Variants in NPR2 observed in about 807,000 individuals in gnomAD.
NPR2 encodes the protein natriuretic peptide receptor 2.
In NPR2, 49 loss-of-function variants were observed where a neutral mutation model predicts 120.7. The observed-to-expected ratio is 0.41, with a 90% CI of 0.32 to 0.52. The LOEUF (loss-of-function observed/expected upper bound fraction) is 0.52. NPR2 is among the 20% of genes least tolerant of loss of function. The pLI, the probability that NPR2 is intolerant of heterozygous loss-of-function variation, is 0.36. For missense variants in NPR2, 931 were observed against 1,362.9 expected (o/e 0.68, Z 4.99); for synonymous variants, 484 against 519.8 (o/e 0.93, Z 0.94).
chr9:35,809,300 AT>A lies in NPR2; in HGVS notation c.3078+54del. The A allele has an allele frequency of 6.2e-7, 1 of 1,610,080 alleles. No individual in the cohort carries two copies. Among genetic ancestry groups the A allele is most frequent in the Non-Finnish European group, 8.5e-7 (1 of 1,176,654 alleles). On this transcript the variant is annotated intron_variant, in intron 21 of 21. Coordinates refer to ENST00000342694, the MANE Select transcript of NPR2 (RefSeq NM_003995.4). The surrounding 1 kb of genome is among the most constrained non-coding windows in gnomAD (Gnocchi z 4.1). ...ATGGAAAGGGAGGGTGAAAGTGATT[AT>A]GGGAATCATAGGGAAAGAGAGGGAG...
At chr9:35,796,555 C>T (rs1827950183) in intron 2 of NPR2, among the ~76,000 whole-genome samples, 1 of 152,170 alleles carries the variant, frequency 6.6e-6, no homozygotes, top group Non-Finnish European at 1.5e-5. Context: ...CAAGAGTCCC[C>T]AGCATTAAGG....
At position 35,806,653 on chromosome 9, in the gene NPR2, G is replaced by A; in HGVS notation, c.2519+115G>A. On this transcript the variant is annotated intron_variant, in intron 16 of 21. Transcript: ENST00000342694. The surrounding 1 kb of genome is among the most constrained non-coding windows in gnomAD (Gnocchi z 4.6). ...ACCCTCAGAACCCTGCTGGCCACAG[G>A]GAGCACCCCTGCTTATAGATTATTT... 1 of 1,107,934 alleles carries A rather than the reference G, an allele frequency of 9.0e-7. No homozygotes were observed. Among genetic ancestry groups the A allele is most frequent in the Non-Finnish European group, 1.4e-6 (1 of 726,330 alleles). The allele number at this position is 1,107,934 out of a possible 1,614,324, so 68.6% of individuals were successfully genotyped here. A position where few individuals can be genotyped will look rare whatever the true frequency, so the allele number is the denominator to read the frequency against.
rs1828342307 is a variant in NPR2 at position 35,805,659 on chromosome 9, C to T, written c.2036C>T (p.Ala679Val). Reference sequence around the variant, plus strand: ...ACTGCTGAACCTGATGACAGCCATGCCCTCTATGCCAGTGAGGCCCACCCC... The same window carrying T: ...ACTGCTGAACCTGATGACAGCCATGTCCTCTATGCCAGTGAGGCCCACCCC... ...RSTAEPDDSH[A>V]LYAKKLWTAP... The change falls in exon 13 of 22, where the codon GCC (alanine) becomes GTC (valine). Residue 679 changes from alanine to valine, a missense_variant. Ala to Val is a moderately conservative substitution (Grantham distance 64). Coordinates refer to ENST00000342694, the MANE Select transcript of NPR2 (RefSeq NM_003995.4). The surrounding 1 kb of genome is among the most constrained non-coding windows in gnomAD (Gnocchi z 4.9). 1 of 1,613,930 alleles carries T rather than the reference C, an allele frequency of 6.2e-7. No individual in the cohort carries two copies. Among genetic ancestry groups the T allele is most frequent in the South Asian group, 1.1e-5 (1 of 91,080 alleles).
intron 2 of NPR2, among the ~76,000 whole-genome samples, chr9:35,795,545 A>G (rs1262143107): frequency 6.6e-6 from 1 of 152,118 alleles, no homozygotes; most frequent in Non-Finnish European, 1.5e-5. Context: ...TGTGGCTGTG[A>G]TTATATATTT....
chr9:35,805,856 C>T lies in NPR2; in HGVS notation c.2074C>T (p.Leu692Phe), dbSNP rs1289922603. The change falls in exon 14 of 22, where the codon CTC becomes TTC. Residue 692 changes from leucine to phenylalanine, a missense_variant. This residue lies in a region of NPR2 where 681 missense variants were observed against 974.3 expected (regional missense o/e 0.70). Transcript: ENST00000342694. This position sits in a 1 kb window ranked among gnomAD's most constrained non-coding sequence, Gnocchi z 4.9. The part of the protein sequence containing the change: ...AKKLWTAPEL[L>F]SGNPLPTTGM... ...GAAGCTGTGGACTGCCCCAGAACTG[C>T]TCAGTGGGAACCCCTTGCCAACCAC... 1 of 1,614,164 alleles carries T rather than the reference C, an allele frequency of 6.2e-7. No homozygotes were observed. Among genetic ancestry groups the T allele is most frequent in the Non-Finnish European group, 8.5e-7 (1 of 1,179,984 alleles).
chr9:35,795,362 G>A (rs926705022), intron 2 of NPR2, among the ~76,000 whole-genome samples: 4 of 152,000 alleles, frequency 2.6e-5, no homozygotes, highest in African/African-American at 4.8e-5. Context: ...TTTACTAACC[G>A]TGCATATAAG....
chr9:35,793,943 T>A lies in NPR2; in HGVS notation c.713T>A (p.Leu238His). The change falls in exon 2 of 22, where the codon CTT becomes CAT. Residue 238 changes from leucine (L) to histidine (H), a missense_variant. Physicochemically the swap from Leu to His is moderately conservative, Grantham distance 99. Coordinates refer to ENST00000342694, the MANE Select transcript of NPR2 (RefSeq NM_003995.4). ...CTGGAGATGCTGCATGAGATCCTGC[T>A]TCAGGCCCAGAGGGAGAATCTGACC... ...GPLEMLHEIL[L>H]QAQRENLTNG... The A allele has an allele frequency of 6.2e-7, 1 of 1,614,206 alleles. No homozygotes were observed. The highest frequency in any genetic ancestry group is 8.5e-7 in the Non-Finnish European group (1 of 1,180,026).
chr9:35,808,013 T>TA lies in NPR2; in HGVS notation c.2713-495dup. 1.6e-6 allele frequency: 1 copy of TA among 631,662 alleles called. No individual in the cohort carries two copies. The highest frequency in any genetic ancestry group is 2.8e-6 in the Non-Finnish European group (1 of 352,736). 39.1% of individuals were successfully genotyped at this position (631,662 alleles called of 1,614,324 possible). On this transcript the variant is annotated intron_variant, in intron 18 of 21. Coordinates refer to ENST00000342694, the MANE Select transcript of NPR2 (RefSeq NM_003995.4). This position sits in a 1 kb window ranked among gnomAD's most constrained non-coding sequence, Gnocchi z 4.0. ...GATAACTACTTTATCCCTAAATACT[T>TA]AGTGTGTATTTCCTAAAAACTTCAC...
rs1365183863 is a variant in NPR2, at chr9:35,808,822, C to A, written c.2955C>A (p.Asn985Lys). Reference sequence around the variant, plus strand: ...ATTGTCTTTTTGGAGACACAGTGAACACTGCTTCTCGAATGGAGTCTAATG... The same window carrying A: ...ATTGTCTTTTTGGAGACACAGTGAAAACTGCTTCTCGAATGGAGTCTAATG... ...PRYCLFGDTV[N>K]TASRMESNGQ... is the part of the protein sequence containing the mutation. Residue 985 changes from asparagine (N) to lysine (K), a missense_variant, in exon 20 of 22, where the codon AAC becomes AAA. By Grantham distance (94) the Asn-to-Lys change is moderately conservative. Transcript: ENST00000342694. The surrounding 1 kb of genome is among the most constrained non-coding windows in gnomAD (Gnocchi z 4.0). 6.2e-7 allele frequency: 1 copy of A among 1,611,226 alleles called. No homozygotes were observed. Among genetic ancestry groups the A allele is most frequent in the African/African-American group, 1.3e-5 (1 of 74,866 alleles).
chr9:35,807,460 G>A, intron 18 of NPR2, 62 bp downstream of exon 18: 1 of 1,336,192 alleles, frequency 7.5e-7, no homozygotes, highest in Non-Finnish European at 1.1e-6. Flanking sequence ...TTGAAACTCA[G>A]TCTCCCTGAA....
At chr9:35,804,003 T>C (rs1588063760) in intron 12 of NPR2, among the ~76,000 whole-genome samples, 1 of 152,202 alleles carries the variant, frequency 6.6e-6, no homozygotes, top group African/African-American at 2.4e-5. Context: ...CTTTGCACAG[T>C]TTCCACACAA....
chr9:35,800,306 A>C lies in NPR2; in HGVS notation c.1124-83A>C. On this transcript the variant is annotated intron_variant, in intron 4 of 21. Transcript: ENST00000342694. This position sits in a 1 kb window ranked among gnomAD's most constrained non-coding sequence, Gnocchi z 4.7. ...ACACCTCAAGATCGGGGAAGGGTAG[A>C]CTCTGAGGGAGCCGTAGGCATGAGT... is the stretch of plus-strand genomic sequence containing the variant. 7.0e-7 allele frequency: 1 copy of C among 1,435,930 alleles called. No homozygotes were observed. The highest frequency in any genetic ancestry group is 9.8e-7 in the Non-Finnish European group (1 of 1,017,640). The allele number at this position is 1,435,930 out of a possible 1,614,324, so 88.9% of individuals were successfully genotyped here.
rs1311519190 is a variant in NPR2, at chr9:35,806,426, C to T, written c.2407C>T (p.Leu803=). The T allele has an allele frequency of 3.7e-6, 6 of 1,613,120 alleles. No homozygotes were observed. The Admixed American group carries it at 6.7e-5, about 18-fold the overall frequency. ...CACCAGCATATTGGACAACCTCCTG[C>T]TGCGCATGGAACAGTATGCCAATAA... ...GGTSILDNLL[L]RMEQYANNLE... The change falls in exon 16 of 22, where the codon CTG becomes TTG. Residue 803 remains leucine, a synonymous_variant. Transcript: ENST00000342694. The surrounding 1 kb of genome is among the most constrained non-coding windows in gnomAD (Gnocchi z 4.6).
At position 35,806,611 on chromosome 9, in the gene NPR2, T is replaced by C. The variant is rs1443814247; in HGVS notation, c.2519+73T>C. 2.1e-5 allele frequency: 33 copies of C among 1,558,806 alleles called. No homozygotes were observed. Among genetic ancestry groups the C allele is most frequent in the South Asian group, 1.9e-4 (17 of 89,484 alleles). On this transcript the variant is annotated intron_variant, in intron 16 of 21. Transcript: ENST00000342694. The surrounding 1 kb of genome is among the most constrained non-coding windows in gnomAD (Gnocchi z 4.6). The stretch of plus-strand genomic sequence containing the variant: ...GTTGGGCTCTGCCTCATCAGGCACC[T>C]GAGAACTCGCCTCCCCACCCTCAGA...
Position 35,809,567 on chromosome 9 carries a change from A to T in NPR2, c.*122A>T. The T allele has an allele frequency of 6.6e-7, 1 of 1,525,068 alleles. No homozygotes were observed. The highest frequency in any genetic ancestry group is 1.7e-5 in the Admixed American group (1 of 59,908). 94.5% of individuals were successfully genotyped at this position (1,525,068 alleles called of 1,614,324 possible). On this transcript the variant is annotated 3_prime_UTR_variant, in exon 22 of 22. Transcript: ENST00000342694. This position sits in a 1 kb window ranked among gnomAD's most constrained non-coding sequence, Gnocchi z 4.1. ...ATGCAATGGAAAACAGCCACAAAAA[A>T]ACCTACCTTATATGGAAGTTGTAGC... is the stretch of plus-strand genomic sequence containing the variant.
chr9:35,792,385 C>A lies in NPR2; in HGVS notation c.-24C>A, dbSNP rs771281087. On this transcript the variant is annotated 5_prime_UTR_variant, in exon 1 of 22. Transcript: ENST00000342694. The stretch of plus-strand genomic sequence containing the variant: ...CCAGAGCAGCCCCAAGTTCTGGGGG[C>A]GGTGGGGCTGCTGCTTTATCCCCAT... 2 of 1,605,470 alleles carry A rather than the reference C, an allele frequency of 1.2e-6. No homozygotes were observed. Among genetic ancestry groups the A allele is most frequent in the Admixed American group, 1.7e-5 (1 of 59,736 alleles).
chr9:35,806,130 C>A lies in NPR2; in HGVS notation c.2269C>A (p.Leu757Met). 2 of 1,614,246 alleles carry A rather than the reference C, an allele frequency of 1.2e-6. No homozygotes were observed. Among genetic ancestry groups the A allele is most frequent in the Non-Finnish European group, 1.7e-6 (2 of 1,180,052 alleles). Reference sequence around the variant, plus strand: ...CCGGCCAAGCATTGACCGGACCCAACTGAATGAAGAGCTAGTTTTGCTGAT... The same window carrying A: ...CCGGCCAAGCATTGACCGGACCCAAATGAATGAAGAGCTAGTTTTGCTGAT... ...YFRPSIDRTQLNEELVLLMER... is the reference protein window; with the variant it reads ...YFRPSIDRTQMNEELVLLMER... The change falls in exon 15 of 22, where the codon CTG becomes ATG. Residue 757 changes from leucine (L) to methionine (M), a missense_variant. Physicochemically the swap from Leu to Met is conservative, Grantham distance 15. Transcript: ENST00000342694. The surrounding 1 kb of genome is among the most constrained non-coding windows in gnomAD (Gnocchi z 4.6).
Position 35,791,779 on chromosome 9 carries a change from G to A in NPR2, c.-630G>A, listed in dbSNP as rs1827789183. On this transcript the variant is annotated 5_prime_UTR_variant, in exon 1 of 22. Coordinates refer to ENST00000342694, the MANE Select transcript of NPR2 (RefSeq NM_003995.4). ...ACACGGGCGGGGCCGCCGTAGCTCC[G>A]GATGGGACCAGCGCCCGGGCCCGTT... 6.6e-6 allele frequency among the ~76,000 whole-genome samples: 1 copy of A among 151,844 alleles called. No homozygotes were observed. The highest frequency in any genetic ancestry group is 1.5e-5 in the Non-Finnish European group (1 of 67,830).
chr9:35,806,154 A>C lies in NPR2; in HGVS notation c.2293A>C (p.Met765Leu). The change falls in exon 15 of 22, where the codon ATG becomes CTG. Residue 765 changes from methionine (M) to leucine (L), a missense_variant. Around this residue, in one of 3 missense-constraint regions of NPR2, gnomAD observed 66 missense variants for 60.3 expected, o/e 1.09. Transcript: ENST00000342694. This position sits in a 1 kb window ranked among gnomAD's most constrained non-coding sequence, Gnocchi z 4.6. ...TQLNEELVLL[M>L]ERCWAQDPAE... The stretch of plus-strand genomic sequence containing the variant: ...ACTGAATGAAGAGCTAGTTTTGCTG[A>C]TGGAGCGATGTTGGGCTCAGGACCC... The C allele has an allele frequency of 6.2e-7, 1 of 1,614,222 alleles. No homozygotes were observed. Among genetic ancestry groups the C allele is most frequent in the South Asian group, 1.1e-5 (1 of 91,082 alleles).
Sources: gnomAD v4.1 joint callset for allele counts (sites outside exome capture counted in the v4.1 genomes callset) on GRCh38, gnomAD v4.1.1 for gene constraint, gnomAD v4.1.1 regional missense constraint, Gnocchi (gnomAD v3.1) non-coding constraint, MANE v1.5 for transcripts, NCBI Gene and HGNC (gene_info 2026-07-23, HGNC 2026-07-21) for gene names.